Variants in UPF1 observed in about 807,000 individuals in gnomAD.
UPF1 encodes the protein UPF1 RNA helicase and ATPase.
A neutral mutation model predicts 129.2 loss-of-function variants in UPF1; 9 were observed. That is an observed-to-expected ratio of 0.07 (90% CI 0.04 to 0.12). UPF1 has a LOEUF of 0.12. UPF1 is among the 10% of genes least tolerant of loss of function. The pLI is 1.00. For missense variants in UPF1, 788 were observed against 1,525.3 expected (o/e 0.52, Z 8.05); for synonymous variants, 649 against 644.9 (o/e 1.01, Z -0.10).
intron 2 of UPF1, 61 bp downstream of exon 2, chr19:18,846,180 C>T: frequency 2.5e-6 from 4 of 1,598,972 alleles, no homozygotes; most frequent in Admixed American, 1.7e-5. Flanking sequence ...CTGGCATGGG[C>T]CTGGGACACT....
chr19:18,852,648 C>T (rs2055672644), intron 6 of UPF1, among the ~76,000 whole-genome samples: 1 of 149,140 alleles, frequency 6.7e-6, no homozygotes, highest in African/African-American at 2.5e-5. Context: ...CCTCCCTCCC[C>T]TCCTCTTTCT....
Position 18,856,015 on chromosome 19 carries a change from C to T in UPF1, c.1635C>T (p.Cys545=), listed in dbSNP as rs150324027. The part of the protein sequence containing the change: ...HQTGLKVVRL[C]AKSREAIDSP... ...CGGGGCTAAAGGTCGTGCGCCTCTGCGCCAAGAGCCGTGAGGCCATCGACT... is the reference window on the plus strand; with the variant it reads ...CGGGGCTAAAGGTCGTGCGCCTCTGTGCCAAGAGCCGTGAGGCCATCGACT... Residue 545 remains cysteine (C), a synonymous_variant, in exon 12 of 24, where the codon TGC becomes TGT. Transcript: ENST00000262803. 12,884 of 1,614,010 alleles carry T rather than the reference C, an allele frequency of 8.0e-3. 65 individuals are homozygous for T. Among genetic ancestry groups the T allele is most frequent in the Non-Finnish European group, 9.9e-3 (11,664 of 1,180,030 alleles).
At chr19:18,839,530 T>C (rs1021870950) in intron 1 of UPF1, among the ~76,000 whole-genome samples, 45 of 152,214 alleles carry the variant, frequency 3.0e-4, no homozygotes, top group Admixed American at 2.0e-4. Context: ...GACCCTGTGC[T>C]CATGCCCAAG....
intron 1 of UPF1, among the ~76,000 whole-genome samples, chr19:18,838,095 A>T (rs1361980416): frequency 6.6e-6 from 1 of 152,238 alleles, no homozygotes; most frequent in African/African-American, 2.4e-5. Context: ...AGGTGAACAC[A>T]CCATCTTCTG....
chr19:18,846,213 G>A (rs1210600202), intron 2 of UPF1, 94 bp downstream of exon 2: 23 of 1,545,336 alleles, frequency 1.5e-5, no homozygotes, highest in South Asian at 6.1e-5. Flanking sequence ...ACAGGGTGGC[G>A]CCCTTGTGCT....
At position 18,851,030 on chromosome 19, in the gene UPF1, C is replaced by T. The variant is rs2055653326; in HGVS notation, c.810+162C>T. On this transcript the variant is annotated intron_variant, in intron 5 of 23. Coordinates refer to ENST00000262803, the MANE Select transcript of UPF1 (RefSeq NM_002911.4). This position sits in a 1 kb window ranked among gnomAD's most constrained non-coding sequence, Gnocchi z 4.2. Reference sequence around the variant, plus strand: ...TCTACGTGGAATGACCTCAGGGCACCTTGGTCACCTTCCATCCAGGCAGCC... The same window carrying T: ...TCTACGTGGAATGACCTCAGGGCACTTTGGTCACCTTCCATCCAGGCAGCC... 1 of 795,950 alleles carries T rather than the reference C, an allele frequency of 1.3e-6. No individual in the cohort carries two copies. Among genetic ancestry groups the T allele is most frequent in the Non-Finnish European group, 1.8e-6 (1 of 549,354 alleles). 49.3% of individuals were successfully genotyped at this position (795,950 alleles called of 1,614,324 possible).
Position 18,850,773 on chromosome 19 carries a change from C to A in UPF1, c.715C>A (p.Leu239Met). The A allele has an allele frequency of 6.2e-7, 1 of 1,611,626 alleles. No individual in the cohort carries two copies. Among genetic ancestry groups the A allele is most frequent in the Non-Finnish European group, 8.5e-7 (1 of 1,179,290 alleles). Reference sequence around the variant, plus strand: ...GCCGCTGATCCAGGACCGCTGCTTCCTGTCCTGGCTGGTCAAGATCCCCTC... The same window carrying A: ...GCCGCTGATCCAGGACCGCTGCTTCATGTCCTGGCTGGTCAAGATCCCCTC... ...WQPLIQDRCF[L>M]SWLVKIPSEQ... Residue 239 changes from leucine to methionine, a missense_variant, in exon 5 of 24, where the codon CTG (leucine) becomes ATG (methionine). By Grantham distance (15) the Leu-to-Met change is conservative. Around this residue, in one of 6 missense-constraint regions of UPF1, gnomAD observed 227 missense variants for 517.9 expected, o/e 0.44. Coordinates refer to ENST00000262803, the MANE Select transcript of UPF1 (RefSeq NM_002911.4). This position sits in a 1 kb window ranked among gnomAD's most constrained non-coding sequence, Gnocchi z 7.1.
intron 19 of UPF1, 106 bp from the exon 20 acceptor site, chr19:18,864,064 C>A: frequency 1.0e-6 from 1 of 984,646 alleles, no homozygotes; most frequent in Non-Finnish European, 1.6e-6. Context: ...GGCACAGTGT[C>A]AACACCTCAC....
At chr19:18,864,733 G>GTTTTTTTT (rs10682791) in intron 20 of UPF1, among the ~76,000 whole-genome samples, 3 of 73,552 alleles carry the variant, frequency 4.1e-5, no homozygotes, top group African/African-American at 1.1e-4. Flanking sequence ...ATTTGCAGGT[G>GTTTTTTTT]TTTTTTTTTT....
In UPF1 at chr19:18,866,726, G is replaced by C. The variant is rs2055849305; in HGVS notation, c.*209G>C. On this transcript the variant is annotated 3_prime_UTR_variant, in exon 24 of 24. Coordinates refer to ENST00000262803, the MANE Select transcript of UPF1 (RefSeq NM_002911.4). Reference sequence around the variant, plus strand: ...CGCGGCGGCGAGGAGCAGAGGGAGCGGAGGAGGGGCCGGCCCGCGGGAGCC... The same window carrying C: ...CGCGGCGGCGAGGAGCAGAGGGAGCCGAGGAGGGGCCGGCCCGCGGGAGCC... 1 of 152,532 alleles carries C rather than the reference G, an allele frequency of 6.6e-6. No individual in the cohort carries two copies. The highest frequency in any genetic ancestry group is 1.5e-5 in the Non-Finnish European group (1 of 68,060). The allele number at this position is 152,532 out of a possible 1,614,324, so 9.4% of individuals were successfully genotyped here.
Position 18,843,894 on chromosome 19 carries a change from C to T in UPF1, c.232-2086C>T, listed in dbSNP as rs1026075565. Among the ~76,000 whole-genome samples, 11 of 152,062 alleles carry T rather than the reference C, an allele frequency of 7.2e-5. No homozygotes were observed. In the East Asian group the frequency reaches 9.7e-4, roughly 13 times the overall value. On this transcript the variant is annotated intron_variant, in intron 1 of 23. Coordinates refer to ENST00000262803, the MANE Select transcript of UPF1 (RefSeq NM_002911.4). The stretch of plus-strand genomic sequence containing the variant: ...CTGATTAGCTGGGACTACAAGTGTG[C>T]GCCACCACACCTGGCTCGTTTGTGT...
intron 1 of UPF1, among the ~76,000 whole-genome samples, chr19:18,834,564 G>T (rs2145928387): frequency 6.6e-6 from 1 of 152,264 alleles, no homozygotes; most frequent in East Asian, 1.9e-4. Context: ...CGACATCAGA[G>T]GGTTTGTCCT....
At chr19:18,840,788 C>G (rs1311388358) in intron 1 of UPF1, among the ~76,000 whole-genome samples, 2 of 152,202 alleles carry the variant, frequency 1.3e-5, no homozygotes, top group Non-Finnish European at 2.9e-5. Context: ...GTCCTGGAGT[C>G]TGGTGGCTGG....
chr19:18,857,308 C>T lies in UPF1; in HGVS notation c.1969-12C>T. On this transcript the variant is annotated splice_polypyrimidine_tract_variant and intron_variant, in intron 14 of 23. Transcript: ENST00000262803. ...TGAGCTTCTTGACTTGTGGGGGCCC[C>T]TGTTCCTACAGCTGATCCTTGTAGG... is the stretch of plus-strand genomic sequence containing the variant. 1 of 1,605,130 alleles carries T rather than the reference C, an allele frequency of 6.2e-7. No homozygotes were observed. Among genetic ancestry groups the T allele is most frequent in the Non-Finnish European group, 8.5e-7 (1 of 1,176,482 alleles).
At chr19:18,838,386 C>A (rs976010212) in intron 1 of UPF1, among the ~76,000 whole-genome samples, 1 of 152,066 alleles carries the variant, frequency 6.6e-6, no homozygotes, top group Non-Finnish European at 1.5e-5. Flanking sequence ...TGGTGGCTCA[C>A]GCCTGTAATC....
intron 23 of UPF1, 106 bp from the exon 24 acceptor site, chr19:18,866,415 G>A: frequency 2.0e-6 from 1 of 489,588 alleles, no homozygotes; most frequent in Non-Finnish European, 3.5e-6. Flanking sequence ...CCTCATCAGA[G>A]TCGGGGAGGG....
At chr19:18,861,068 C>G in intron 17 of UPF1, 86 bp downstream of exon 17, 3 of 1,463,798 alleles carry the variant, frequency 2.0e-6, no homozygotes, top group Middle Eastern at 2.3e-4. Context: ...CCAAGAGGGG[C>G]CCGTCCTGGC....
At position 18,832,090 on chromosome 19, in the gene UPF1, C is replaced by A. The variant is rs2055431234; in HGVS notation, c.-120C>A. On this transcript the variant is annotated 5_prime_UTR_variant, in exon 1 of 24. Transcript: ENST00000262803. The surrounding 1 kb of genome is among the most constrained non-coding windows in gnomAD (Gnocchi z 5.6). ...CTGGCGCCGGGGCGCGCGGTTTGGT[C>A]CTTTCCGGGCGCGCGGGGGCGACAG... The A allele has an allele frequency of 1.9e-6, 2 of 1,027,128 alleles. No homozygotes were observed. The highest frequency in any genetic ancestry group is 2.6e-6 in the Non-Finnish European group (2 of 782,944). The allele number at this position is 1,027,128 out of a possible 1,614,324, so 63.6% of individuals were successfully genotyped here.
Position 18,850,547 on chromosome 19 carries a change from A to G in UPF1, c.630-141A>G. ...GCACAGGGAGATGCGATTTATTACT[A>G]ACAGTTTGAAGGTAATGTGATCACA... On this transcript the variant is annotated intron_variant, in intron 4 of 23. Transcript: ENST00000262803. The surrounding 1 kb of genome is among the most constrained non-coding windows in gnomAD (Gnocchi z 7.1). 14 of 960,160 alleles carry G rather than the reference A, an allele frequency of 1.5e-5. No individual in the cohort carries two copies. The South Asian group carries it at 2.4e-4, about 17-fold the overall frequency. The allele number at this position is 960,160 out of a possible 1,614,324, so 59.5% of individuals were successfully genotyped here.
Sources: allele counts gnomAD v4.1 joint callset (sites outside exome capture counted in the v4.1 genomes callset), GRCh38; gene constraint gnomAD v4.1.1; regional missense constraint gnomAD v4.1.1; non-coding constraint Gnocchi (gnomAD v3.1); transcripts MANE v1.5; gene names NCBI Gene and HGNC (gene_info 2026-07-23, HGNC 2026-07-21).